The following FAAH2 variants were observed in gnomAD, a reference collection of about 807,000 sequenced individuals.
FAAH2 encodes fatty-acid amide hydrolase 2.
FAAH2 carries 60 observed loss-of-function variants against 36.9 expected under a neutral mutation model. The ratio of observed to expected loss-of-function variants is 1.63; its 90% confidence interval spans 1.32 to 2.02. FAAH2 has a LOEUF of 2.02. Ranked by LOEUF, FAAH2 falls within the 30% of genes most tolerant of loss-of-function variation. FAAH2 has a pLI of 0.00. For missense variants in FAAH2, 689 were observed against 397.5 expected, an observed-to-expected ratio of 1.73 and a Z score of -6.23; for synonymous variants, 214 against 143.8, an observed-to-expected ratio of 1.49 and a Z score of -3.49.
intron 8 of FAAH2, among the ~76,000 whole-genome samples, chrX:57,439,953 T>G (rs1246087120): frequency 1.8e-5 from 2 of 111,796 alleles, no homozygotes; most frequent in Admixed American, 1.9e-4. Flanking sequence ...TCTCTTCCAT[T>G]GATCTATATC....
the FAAH2 span, among the ~76,000 whole-genome samples, chrX:57,194,981 G>T: frequency 6.3e-5 from 7 of 111,056 alleles, no homozygotes; most frequent in African/African-American, 2.3e-4. Flanking sequence ...GTGTAAGTGT[G>T]TATATATCAC....
At chrX:57,439,444 G>T (rs1356854339) in intron 8 of FAAH2, among the ~76,000 whole-genome samples, 6 of 111,364 alleles carry the variant, frequency 5.4e-5, no homozygotes, top group Admixed American at 4.8e-4. Flanking sequence ...CTTTTTGATG[G>T]GGTTGTTTGT....
the FAAH2 span, among the ~76,000 whole-genome samples, chrX:57,268,345 G>A: frequency 5.0e-4 from 56 of 111,520 alleles, no homozygotes; most frequent in East Asian, 0.014. Flanking sequence ...AAAAAAATGA[G>A]ATTATGTAAA....
At chrX:57,220,891 C>T in the FAAH2 span, among the ~76,000 whole-genome samples, 1 of 112,048 alleles carries the variant, frequency 8.9e-6, no homozygotes, top group Non-Finnish European at 1.9e-5. Context: ...TATATCTCAT[C>T]GGCCTTGCCA....
chrX:57,154,426 G>C, the FAAH2 span, among the ~76,000 whole-genome samples: 1 of 107,056 alleles, frequency 9.3e-6, no homozygotes, highest in Non-Finnish European at 1.9e-5. Flanking sequence ...ACCATGCCTG[G>C]CGATTTTTTT....
intron 7 of FAAH2, among the ~76,000 whole-genome samples, chrX:57,420,435 C>T (rs1304128813): frequency 8.9e-6 from 1 of 111,777 alleles, no homozygotes; most frequent in Non-Finnish European, 1.9e-5. Flanking sequence ...AAGTCCTTCA[C>T]ATCCCTTGTA....
the FAAH2 span, among the ~76,000 whole-genome samples, chrX:57,154,914 A>G: frequency 9.1e-6 from 1 of 110,314 alleles, no homozygotes; most frequent in Non-Finnish European, 1.9e-5. Flanking sequence ...TGGCTTCCTG[A>G]GAGCTGAACT....
At chrX:57,432,929 G>T (rs746102105) in intron 8 of FAAH2, among the ~76,000 whole-genome samples, 1 of 106,186 alleles carries the variant, frequency 9.4e-6, no homozygotes, top group African/African-American at 3.4e-5. Flanking sequence ...ACATACAATA[G>T]CCCTTCCATA....
At chrX:57,376,550 G>A (rs1320987273) in intron 5 of FAAH2, among the ~76,000 whole-genome samples, 1 of 111,617 alleles carries the variant, frequency 9.0e-6, no homozygotes, top group African/African-American at 3.3e-5. Context: ...TATCCAGTCT[G>A]TCATTGATGG....
chrX:57,329,316 TATC>T (rs2053325953), intron 3 of FAAH2, among the ~76,000 whole-genome samples: 1 of 111,478 alleles, frequency 9.0e-6, no homozygotes, highest in Non-Finnish European at 1.9e-5. Context: ...GTGGCATTGT[TATC>T]ATGGAGGTGG....
At chrX:57,451,312 G>A (rs1416111744) in intron 10 of FAAH2, among the ~76,000 whole-genome samples, 1 of 111,634 alleles carries the variant, frequency 9.0e-6, no homozygotes, top group Non-Finnish European at 1.9e-5. Flanking sequence ...GCCTCACTTA[G>A]TGCTCAGTGA....
At chrX:57,380,734 G>T (rs1256576288) in intron 6 of FAAH2, among the ~76,000 whole-genome samples, 178 bp from the exon 7 acceptor site, 1 of 111,857 alleles carries the variant, frequency 8.9e-6, no homozygotes, top group Non-Finnish European at 1.9e-5. Context: ...TCTCTCCCTT[G>T]CAGCTCAAGT....
At chrX:57,354,447 G>A (rs187127722) in intron 5 of FAAH2, among the ~76,000 whole-genome samples, 16 of 110,420 alleles carry the variant, frequency 1.4e-4, no homozygotes, top group African/African-American at 4.9e-4. Context: ...TGAGAGAGTG[G>A]AACACGATTA....
intron 10 of FAAH2, among the ~76,000 whole-genome samples, chrX:57,466,156 C>CTATATATATATATATATATA (rs1163626331): frequency 1.5e-4 from 10 of 66,390 alleles, no homozygotes; most frequent in Admixed American, 4.1e-4. Context: ...CTCTCTCTCT[C>CTATATATATATATATATATA]TATATATATA....
At chrX:57,231,469 T>G in the FAAH2 span, among the ~76,000 whole-genome samples, 1 of 111,903 alleles carries the variant, frequency 8.9e-6, no homozygotes, top group Non-Finnish European at 1.9e-5. Flanking sequence ...TTTGCCTATT[T>G]TTTAGCTTTT....
At chrX:57,273,644 C>A in the FAAH2 span, among the ~76,000 whole-genome samples, 6 of 111,550 alleles carry the variant, frequency 5.4e-5, no homozygotes, top group Admixed American at 5.7e-4. Context: ...AACTGAACAA[C>A]CTGCTTCTGA....
chrX:57,417,148 C>A (rs778474689), intron 7 of FAAH2, among the ~76,000 whole-genome samples: 1 of 111,501 alleles, frequency 9.0e-6, no homozygotes, highest in African/African-American at 3.3e-5. Flanking sequence ...AGGTTCTTAG[C>A]TTTTTTTGCA....
At chrX:57,310,807 A>G (rs1750643178) in intron 3 of FAAH2, 78 bp downstream of exon 3, 1 of 1,054,325 alleles carries the variant, frequency 9.5e-7, no homozygotes, top group Non-Finnish European at 1.3e-6. Flanking sequence ...ACTAAAAAGG[A>G]TGGTATAAAA....
At chrX:57,301,967 A>G (rs780754006) in intron 2 of FAAH2, among the ~76,000 whole-genome samples, 189 of 112,201 alleles carry the variant, frequency 1.7e-3, no homozygotes, top group Non-Finnish European at 3.0e-3. Context: ...GGCTTCCTAT[A>G]TCTTCCTGGA....
Sources: gnomAD v4.1 joint callset for allele counts (sites outside exome capture counted in the v4.1 genomes callset) on GRCh38, gnomAD v4.1.1 for gene constraint, MANE v1.5 for transcripts, NCBI Gene and HGNC (gene_info 2026-07-23, HGNC 2026-07-21) for gene names.